Variants in TANGO6 observed in about 807,000 individuals in gnomAD.
TANGO6 encodes transport and golgi organization 6 homolog.
Under a neutral mutation model 114.2 loss-of-function variants are expected in TANGO6, and 90 were observed. The ratio of observed to expected loss-of-function variants is 0.79; its 90% CI spans 0.66 to 0.94. TANGO6 has a LOEUF of 0.94. Among genes scored for constraint, TANGO6 ranks in the 40% least tolerant of loss-of-function variants. TANGO6 has a pLI of 0.00. For missense variants in TANGO6, 1,274 were observed against 1,315.3 expected (o/e 0.97, Z 0.49); for synonymous variants, 477 against 509.8 (o/e 0.94, Z 0.87).
chr16:69,052,907 G>A (rs1597073168), intron 17 of TANGO6, among the ~76,000 whole-genome samples: 2 of 152,002 alleles, frequency 1.3e-5, no homozygotes, highest in Admixed American at 6.6e-5. Flanking sequence ...TCAGGAGTTC[G>A]AGACCAGCCT....
At chr16:68,949,657 A>G (rs1963451915) in intron 14 of TANGO6, among the ~76,000 whole-genome samples, 1 of 152,052 alleles carries the variant, frequency 6.6e-6, no homozygotes. Context: ...AAATAATACA[A>G]ATTATGAGGA....
chr16:68,919,011 G>T, intron 11 of TANGO6, 74 bp from the exon 12 acceptor site: 1 of 1,502,068 alleles, frequency 6.7e-7, no homozygotes. Flanking sequence ...TGAGGATGTA[G>T]ACATAAGATG....
At position 68,927,709 on chromosome 16, in the gene TANGO6, G is replaced by A. The variant is rs750003594; in HGVS notation, c.2269G>A (p.Glu757Lys). 2.4e-5 allele frequency: 39 copies of A among 1,613,988 alleles called. 1 individual carries two copies. In the South Asian group the frequency reaches 4.3e-4, roughly 18 times the overall value. Residue 757 changes from glutamate to lysine, a missense_variant, in exon 13 of 18, where the codon GAG becomes AAG. Physicochemically the swap from Glu to Lys is moderately conservative, Grantham distance 56. Coordinates refer to ENST00000261778, the MANE Select transcript of TANGO6 (RefSeq NM_024562.2). ...TISTHGAFAT[E>K]AVSMAAQSTL... ...CTCTACCCATGGAGCCTTTGCCACT[G>A]AGGCCGTCAGCATGGCTGCCCAAAG...
chr16:69,074,851 TA>T lies in TANGO6; in HGVS notation c.3109-8633del, dbSNP rs1960350245. Among the ~76,000 whole-genome samples the T allele has an allele frequency of 2.0e-5, 3 of 150,568 alleles. No homozygotes were observed. In the South Asian group the frequency reaches 6.3e-4, roughly 32 times the overall value. On this transcript the variant is annotated intron_variant, in intron 17 of 17. Coordinates refer to ENST00000261778, the MANE Select transcript of TANGO6 (RefSeq NM_024562.2). The stretch of plus-strand genomic sequence containing the variant: ...GTGTGTGTGTGTGTATAATTATTAT[TA>T]TTATTTTTTTTTGGAGGCAGAATCT...
intron 4 of TANGO6, among the ~76,000 whole-genome samples, chr16:68,872,034 A>G (rs957747687): frequency 5.9e-5 from 9 of 151,998 alleles, no homozygotes; most frequent in Non-Finnish European, 1.3e-4. Context: ...GTTTGAGACC[A>G]GCCTGGCCAA....
At chr16:68,882,450 T>C (rs1188435819) in intron 7 of TANGO6, among the ~76,000 whole-genome samples, 1 of 150,990 alleles carries the variant, frequency 6.6e-6, no homozygotes, top group Non-Finnish European at 1.5e-5. Context: ...TGAGCCGAGA[T>C]CGCACCACTG....
chr16:69,012,743 A>G (rs1450579058), intron 15 of TANGO6, among the ~76,000 whole-genome samples: 1 of 152,206 alleles, frequency 6.6e-6, no homozygotes, highest in African/African-American at 2.4e-5. Flanking sequence ...AAGTCATTTA[A>G]TGCATATCTT....
At chr16:68,927,101 G>T in intron 12 of TANGO6, 1 of 159,998 alleles carries the variant, frequency 6.3e-6, no homozygotes, top group Non-Finnish European at 1.4e-5. Flanking sequence ...CAGATCTATG[G>T]TGCACTTGCA....
intron 17 of TANGO6, among the ~76,000 whole-genome samples, chr16:69,064,771 G>T (rs1011172329): frequency 6.6e-6 from 1 of 152,184 alleles, no homozygotes; most frequent in Non-Finnish European, 1.5e-5. Context: ...ATGAGATAAT[G>T]TGTGTCCAGG....
At position 68,953,302 on chromosome 16, in the gene TANGO6, C is replaced by T. The variant is rs556894595; in HGVS notation, c.2702-20726C>T. 2.0e-5 allele frequency among the ~76,000 whole-genome samples: 3 copies of T among 151,976 alleles called. No homozygotes were observed. In the South Asian group the frequency reaches 6.2e-4, roughly 32 times the overall value. The stretch of plus-strand genomic sequence containing the variant: ...TTCGCCATGTTGGCCAGGCTGATCT[C>T]GAATTCCTGACCTCAGGTGATACAC... On this transcript the variant is annotated intron_variant, in intron 14 of 17. Coordinates refer to ENST00000261778, the MANE Select transcript of TANGO6 (RefSeq NM_024562.2).
chr16:68,948,056 C>T (rs567405467), intron 14 of TANGO6, among the ~76,000 whole-genome samples: 1 of 151,048 alleles, frequency 6.6e-6, no homozygotes, highest in African/African-American at 2.4e-5. Flanking sequence ...GCCTTCTTTC[C>T]CTCTCCCAAG....
chr16:68,985,808 A>G (rs1046812860), intron 15 of TANGO6, among the ~76,000 whole-genome samples: 2 of 152,268 alleles, frequency 1.3e-5, no homozygotes, highest in East Asian at 1.9e-4. Flanking sequence ...TTAAACTGCT[A>G]ATATCTCATA....
At chr16:68,847,374 T>C (rs1420893786) in intron 1 of TANGO6, among the ~76,000 whole-genome samples, 2 of 152,124 alleles carry the variant, frequency 1.3e-5, no homozygotes, top group African/African-American at 4.8e-5. Flanking sequence ...CCCCATAGCA[T>C]ACTAGGAACT....
chr16:68,850,610 G>A (rs1961886530), intron 1 of TANGO6, among the ~76,000 whole-genome samples: 1 of 152,190 alleles, frequency 6.6e-6, no homozygotes. Context: ...TTAATATAGA[G>A]TAGGAGTTAG....
chr16:69,054,940 C>CAAAAAA (rs35840863), intron 17 of TANGO6, among the ~76,000 whole-genome samples: 1 of 68,928 alleles, frequency 1.5e-5, no homozygotes, highest in African/African-American at 6.0e-5. Context: ...GACTCCGTCT[C>CAAAAAA]AAAAAAAAAA....
At chr16:68,845,411 T>C (rs1266392649) in intron 1 of TANGO6, among the ~76,000 whole-genome samples, 1 of 152,240 alleles carries the variant, frequency 6.6e-6, no homozygotes, top group East Asian at 1.9e-4. Flanking sequence ...TACACATATA[T>C]GTACTCATTT....
At chr16:69,012,556 C>CAAAAAAAAAAAAAAAAAAAAAAAAA (rs1175561720) in intron 15 of TANGO6, among the ~76,000 whole-genome samples, 1 of 36,512 alleles carries the variant, frequency 2.7e-5, no homozygotes, top group African/African-American at 1.1e-4. Flanking sequence ...AACTCTGTCT[C>CAAAAAAAAAAAAAAAAAAAAAAAAA]AAAAAAAAAA....
Position 69,040,335 on chromosome 16 carries a change from A to G in TANGO6, c.3022A>G (p.Lys1008Glu), listed in dbSNP as rs1959752732. The change falls in exon 17 of 18, where the codon AAA (lysine) becomes GAA (glutamate). Residue 1008 changes from lysine to glutamate, a missense_variant. Around this residue, in one of 5 missense-constraint regions of TANGO6, gnomAD observed 238 missense variants for 252.9 expected, o/e 0.94. Transcript: ENST00000261778. ...EVTACLIAVA[K>E]TDGEVQVRRA... is the part of the protein sequence containing the mutation. ...AACAGCTTGCCTGATTGCTGTGGCC[A>G]AAACAGATGGTGAAGTTCAAGTACG... The G allele has an allele frequency of 6.2e-7, 1 of 1,608,432 alleles. No homozygotes were observed.
At chr16:68,938,016 G>A (rs1963316861) in intron 14 of TANGO6, among the ~76,000 whole-genome samples, 1 of 152,124 alleles carries the variant, frequency 6.6e-6, no homozygotes, top group African/African-American at 2.4e-5. Flanking sequence ...GGAACTGCTG[G>A]ACTATTTTCC....
Sources: allele counts gnomAD v4.1 joint callset (sites outside exome capture counted in the v4.1 genomes callset), GRCh38; gene constraint gnomAD v4.1.1; regional missense constraint gnomAD v4.1.1; transcripts MANE v1.5; gene names NCBI Gene and HGNC (gene_info 2026-07-23, HGNC 2026-07-21).